The following PDGFA variants were observed in gnomAD, a reference collection of about 807,000 sequenced individuals.
The protein encoded by PDGFA is platelet derived growth factor subunit A, also known as platelet-derived growth factor subunit A.
Under a neutral mutation model 25.6 loss-of-function variants are expected in PDGFA, and 9 were observed. That is an observed-to-expected ratio of 0.35 (90% CI 0.21 to 0.61). The LOEUF (loss-of-function observed/expected upper bound fraction) is 0.61. Ranked by LOEUF, PDGFA falls within the 20% of genes least tolerant of loss-of-function variation. The pLI, the probability that PDGFA is intolerant of heterozygous loss-of-function variation, is 0.75. For synonymous variants in PDGFA, 133 were observed against 111.8 expected, an observed-to-expected ratio of 1.19 and a Z score of -1.20; for missense variants, 242 against 272.8, an observed-to-expected ratio of 0.89 and a Z score of 0.79.
chr7:501,930 A>G (rs1210637091), intron 4 of PDGFA, among the ~76,000 whole-genome samples: 5 of 152,192 alleles, frequency 3.3e-5, no homozygotes, highest in Admixed American at 3.3e-4. Flanking sequence ...TTTTAAATAC[A>G]TTTTAAAAGC....
At chr7:498,347 A>T in exon 6 of PDGFA, 1 of 534,188 alleles carries the variant, frequency 1.9e-6, no homozygotes, top group Non-Finnish European at 3.3e-6. Flanking sequence ...TTTGACAAGG[A>T]AGCTTCTTAC....
chr7:505,960 G>A (rs191344129), intron 4 of PDGFA, among the ~76,000 whole-genome samples: 1 of 152,076 alleles, frequency 6.6e-6, no homozygotes, highest in African/African-American at 2.4e-5. Flanking sequence ...GATCACCTGA[G>A]GTCAGGAGTT....
chr7:513,104 C>A, intron 2 of PDGFA: 1 of 159,140 alleles, frequency 6.3e-6, no homozygotes, highest in Non-Finnish European at 1.4e-5. Flanking sequence ...CAGGAGGGCA[C>A]GTGGCCTCTC....
At chr7:505,513 C>T (rs1782522333) in intron 4 of PDGFA, among the ~76,000 whole-genome samples, 1 of 152,228 alleles carries the variant, frequency 6.6e-6, no homozygotes, top group Non-Finnish European at 1.5e-5. Flanking sequence ...GACAGCCACT[C>T]CCTGCGGGGG....
At chr7:519,053 C>A (rs971624437) in exon 1 of PDGFA, 3 of 1,413,246 alleles carry the variant, frequency 2.1e-6, no homozygotes, top group Non-Finnish European at 2.9e-6. Context: ...GCGGGGCGGG[C>A]GCTCCAGCCG....
chr7:498,720 CA>C (rs772252236), intron 5 of PDGFA, 146 bp from the exon 6 acceptor site: 20 of 784,756 alleles, frequency 2.5e-5, no homozygotes, highest in East Asian at 5.4e-5. Context: ...AAGAAATTTC[CA>C]GAATCACATT....
chr7:514,446 T>TCC (rs1457878526), intron 2 of PDGFA, among the ~76,000 whole-genome samples: 7 of 152,108 alleles, frequency 4.6e-5, no homozygotes, highest in Non-Finnish European at 8.8e-5. Context: ...TGCTCCCAGC[T>TCC]CAAGATGCCG....
At chr7:498,692 C>T (rs1782200265) in intron 5 of PDGFA, 118 bp from the exon 6 acceptor site, 3 of 942,266 alleles carry the variant, frequency 3.2e-6, no homozygotes, top group Non-Finnish European at 3.4e-6. Context: ...CAGGGGCACA[C>T]AGGGATTTCA....
intron 4 of PDGFA, among the ~76,000 whole-genome samples, chr7:503,295 C>T (rs543569139): frequency 6.6e-6 from 1 of 152,280 alleles, no homozygotes; most frequent in Admixed American, 6.5e-5. Context: ...CCCACGGAAC[C>T]AGCCCTGCCG....
Position 511,015 on chromosome 7 carries a change from A to T in PDGFA, c.266-19T>A, listed in dbSNP as rs758999153. 1.2e-6 allele frequency: 2 copies of T among 1,605,054 alleles called. No homozygotes were observed. The highest frequency in any genetic ancestry group is 4.5e-5 in the East Asian group (2 of 44,716). The stretch of plus-strand genomic sequence containing the variant: ...GCTTCCTCTGCAACGGCGGGGGCAC[A>T]GTGAGCGGGGACCGGCCTCTGCGAC... On this transcript the variant is annotated intron_variant, in intron 3 of 5. Transcript: ENST00000402802.
chr7:511,114 T>G, intron 3 of PDGFA, 118 bp from the exon 4 acceptor site: 1 of 754,010 alleles, frequency 1.3e-6, no homozygotes, highest in Non-Finnish European at 2.2e-6. Flanking sequence ...CAGGCCAGGA[T>G]TCCTCCCAGG....
intron 4 of PDGFA, among the ~76,000 whole-genome samples, chr7:507,520 A>C (rs148994226): frequency 0.071 from 10,833 of 152,292 alleles, 451 homozygotes; most frequent in South Asian, 0.11. Context: ...ACTGCCCTGT[A>C]GGGCCAAGCC....
intron 4 of PDGFA, among the ~76,000 whole-genome samples, chr7:508,590 T>TAAAAAAAAAAAAAC (rs1275774675): frequency 7.6e-6 from 1 of 130,898 alleles, no homozygotes; most frequent in African/African-American, 2.9e-5. Flanking sequence ...AAAAAAAAAT[T>TAAAAAAAAAAAAAC]CTCAGCTGAG....
chr7:520,039 G>T (rs1464373213), upstream of PDGFA: 11 of 397,584 alleles, frequency 2.8e-5, no homozygotes, highest in South Asian at 1.9e-4. Flanking sequence ...ACGCGCTCGC[G>T]CAAGCAGCTA....
chr7:505,074 G>T (rs1056486738), intron 4 of PDGFA, among the ~76,000 whole-genome samples: 1 of 152,228 alleles, frequency 6.6e-6, no homozygotes. Flanking sequence ...GGGCCGTTCC[G>T]CCACCTCTGT....
chr7:497,963 A>AC (rs1782154441), exon 6 of PDGFA: 4 of 132,792 alleles, frequency 3.0e-5, no homozygotes, highest in African/African-American at 5.8e-5. Context: ...AAAAAACAAA[A>AC]AAAAAAAAAA....
At chr7:520,075 T>C (rs1783307348), upstream of PDGFA, 2 of 395,924 alleles carry the variant, frequency 5.1e-6, no homozygotes, top group Non-Finnish European at 1.0e-5. Flanking sequence ...CGCGCCCGGC[T>C]CCGCGCCGGG....
chr7:498,455 CGGA>C, exon 6 of PDGFA: 6 of 1,059,268 alleles, frequency 5.7e-6, no homozygotes, highest in South Asian at 1.4e-5. Context: ...CAGTTTTTCA[CGGA>C]GGAGAACAAA....
chr7:506,599 G>A (rs1782575584), intron 4 of PDGFA, among the ~76,000 whole-genome samples: 3 of 152,192 alleles, frequency 2.0e-5, no homozygotes, highest in South Asian at 2.1e-4. Flanking sequence ...CTCCGTCCAG[G>A]CTAGACCCCT....
Sources: gnomAD v4.1 joint callset for allele counts (sites outside exome capture counted in the v4.1 genomes callset) on GRCh38, gnomAD v4.1.1 for gene constraint, MANE v1.5 for transcripts, NCBI Gene and HGNC (gene_info 2026-07-23, HGNC 2026-07-21) for gene names.